CCDC88C: variants seen among roughly 807,000 people sequenced by gnomAD.
The protein encoded by CCDC88C is coiled-coil and HOOK domain protein 88C, also known as protein Daple.
A neutral mutation model predicts 198.8 loss-of-function variants in CCDC88C; 131 were observed. That is an observed-to-expected ratio of 0.66 (90% confidence interval 0.57 to 0.76). The LOEUF (loss-of-function observed/expected upper bound fraction) is 0.76. Ranked by LOEUF, CCDC88C falls within the 30% of genes least tolerant of loss-of-function variation. CCDC88C has a pLI of 0.00. For synonymous variants in CCDC88C, 1,166 were observed against 1,114.7 expected (o/e 1.05, Z -0.92); for missense variants, 2,553 against 2,631.6 (o/e 0.97, Z 0.65).
At chr14:91,283,654 G>GGCTGCCA (rs1890291167) in intron 25 of CCDC88C, 137 bp from the exon 26 acceptor site, 1 of 824,958 alleles carries the variant, frequency 1.2e-6, no homozygotes, top group South Asian at 1.8e-5. Context: ...CAGCTCTCGG[G>GGCTGCCA]CTGCAACTTA....
rs746988366 is a variant in CCDC88C at position 91,300,005 on chromosome 14, C to T, written c.3701G>A (p.Arg1234Gln). 6 of 1,600,842 alleles carry T rather than the reference C, an allele frequency of 3.7e-6. No homozygotes were observed. The highest frequency in any genetic ancestry group is 1.1e-5 in the South Asian group (1 of 88,636). The change falls in exon 21 of 30, where the codon CGA becomes CAA. Residue 1234 changes from arginine to glutamine, a missense_variant. Arg to Gln is a conservative substitution (Grantham distance 43). This residue lies in a region of CCDC88C where 1,293 missense variants were observed against 1,219.6 expected (regional missense o/e 1.06). Transcript: ENST00000389857. ...EEREKVLTTEREALQQEQRTN... is the reference protein window; with the variant it reads ...EEREKVLTTEQEALQQEQRTN... ...CCTCTGCTCCTGCTGCAGCGCCTCTCGCTCAGTGGTCAAGACCTTCTCCCG... is the reference window on the plus strand; with the variant it reads ...CCTCTGCTCCTGCTGCAGCGCCTCTTGCTCAGTGGTCAAGACCTTCTCCCG...
At chr14:91,297,076 T>G (rs1891038543) in intron 22 of CCDC88C, among the ~76,000 whole-genome samples, 3 of 152,196 alleles carry the variant, frequency 2.0e-5, no homozygotes, top group Admixed American at 2.0e-4. Flanking sequence ...CTCCCGACCC[T>G]GCAAAAGGTG....
intron 21 of CCDC88C, 84 bp downstream of exon 21, chr14:91,299,843 G>C: frequency 7.0e-7 from 1 of 1,424,890 alleles, no homozygotes; most frequent in Non-Finnish European, 9.2e-7. Flanking sequence ...CAGGGGACTT[G>C]AACTTCTCAG....
At chr14:91,374,038 T>C (rs986289353) in intron 3 of CCDC88C, among the ~76,000 whole-genome samples, 3 of 152,280 alleles carry the variant, frequency 2.0e-5, no homozygotes, top group South Asian at 4.1e-4. Context: ...TGCTGGAACA[T>C]GCTCACCTCT....
chr14:91,310,435 C>T (rs1050677327), intron 15 of CCDC88C, among the ~76,000 whole-genome samples: 3 of 152,108 alleles, frequency 2.0e-5, no homozygotes, highest in Admixed American at 6.5e-5. Flanking sequence ...TTTTTAGAGA[C>T]AGCGTCTTGC....
chr14:91,396,952 GCCGTGATCGCA>G (rs1031399986), intron 3 of CCDC88C, among the ~76,000 whole-genome samples: 2 of 151,990 alleles, frequency 1.3e-5, no homozygotes, highest in African/African-American at 4.8e-5. Context: ...GCTGCAGTAA[GCCGTGATCGCA>G]CCACTGCACT....
chr14:91,347,814 C>A (rs1421168146), intron 4 of CCDC88C, among the ~76,000 whole-genome samples: 1 of 152,152 alleles, frequency 6.6e-6, no homozygotes, highest in African/African-American at 2.4e-5. Context: ...TACCATTTGA[C>A]CCAGCCATCC....
intron 2 of CCDC88C, among the ~76,000 whole-genome samples, chr14:91,414,942 C>A (rs1032077673): frequency 6.6e-6 from 1 of 152,204 alleles, no homozygotes; most frequent in Non-Finnish European, 1.5e-5. Flanking sequence ...CTCAAAGGAA[C>A]GGTCCAACAG....
intron 2 of CCDC88C, among the ~76,000 whole-genome samples, chr14:91,410,525 G>T (rs548500911): frequency 2.0e-5 from 3 of 152,146 alleles, no homozygotes; most frequent in South Asian, 2.1e-4. Context: ...TCATTTACAT[G>T]TTACATGTTT....
intron 10 of CCDC88C, among the ~76,000 whole-genome samples, chr14:91,327,142 C>T (rs967292569): frequency 6.6e-6 from 1 of 152,224 alleles, no homozygotes; most frequent in South Asian, 2.1e-4. Context: ...CAGCACACGC[C>T]AGGAACGTGT....
chr14:91,339,919 G>A lies in CCDC88C; in HGVS notation c.589C>T (p.Arg197Trp), dbSNP rs778210068. Residue 197 changes from arginine to tryptophan, a missense_variant, in exon 7 of 30, where the codon CGG (arginine) becomes TGG (tryptophan). Physicochemically the swap from Arg to Trp is moderately radical, Grantham distance 101. This residue lies in a region of CCDC88C where 1,260 missense variants were observed against 1,412.0 expected (regional missense o/e 0.89). Coordinates refer to ENST00000389857, the MANE Select transcript of CCDC88C (RefSeq NM_001080414.4). This position sits in a 1 kb window ranked among gnomAD's most constrained non-coding sequence, Gnocchi z 5.8. ...ALSRSMVLHLRRLIDQRDECT... is the reference protein window; with the variant it reads ...ALSRSMVLHLWRLIDQRDECT... The stretch of plus-strand genomic sequence containing the variant: ...TCGTCCCGCTGGTCGATGAGCCTCC[G>A]CAGGTGGAGCACCATGCTCCTCGAC... 1.3e-5 allele frequency: 21 copies of A among 1,593,482 alleles called. No homozygotes were observed. The highest frequency in any genetic ancestry group is 9.2e-5 in the East Asian group (4 of 43,522).
Position 91,283,361 on chromosome 14 carries a change from G to T in CCDC88C, c.4598C>A (p.Thr1533Asn). 6.2e-7 allele frequency: 1 copy of T among 1,613,830 alleles called. No individual in the cohort carries two copies. The highest frequency in any genetic ancestry group is 8.5e-7 in the Non-Finnish European group (1 of 1,179,878). The change falls in exon 26 of 30, where the codon ACC becomes AAC. Residue 1533 changes from threonine to asparagine, a missense_variant. Physicochemically the swap from Thr to Asn is moderately conservative, Grantham distance 65. This residue lies in a region of CCDC88C where 1,293 missense variants were observed against 1,219.6 expected (regional missense o/e 1.06). Transcript: ENST00000389857. Reference protein sequence around the residue: ...SATTTAPSNSTPIARHPGRTK... With the variant: ...SATTTAPSNSNPIARHPGRTK... ...GCGGCCTGGGTGCCGGGCGATGGGGGTGGAGTTGGAAGGGGCTGTAGTGGT... is the reference window on the plus strand; with the variant it reads ...GCGGCCTGGGTGCCGGGCGATGGGGTTGGAGTTGGAAGGGGCTGTAGTGGT...
At chr14:91,279,121 A>C (rs1376191128) in intron 28 of CCDC88C, 117 bp downstream of exon 28, 2 of 800,774 alleles carry the variant, frequency 2.5e-6, no homozygotes, top group African/African-American at 3.5e-5. Flanking sequence ...GCTGGTTTCT[A>C]ACTCCTGGGC....
In CCDC88C at chr14:91,339,184, T is replaced by C; in HGVS notation, c.809+94A>G. On this transcript the variant is annotated intron_variant, in intron 8 of 29. Transcript: ENST00000389857. This position sits in a 1 kb window ranked among gnomAD's most constrained non-coding sequence, Gnocchi z 5.8. ...CTGACTCCGGGGCACACGTCAGAGCTGTGCCATTGGCAGCACCACACATGT... is the reference window on the plus strand; with the variant it reads ...CTGACTCCGGGGCACACGTCAGAGCCGTGCCATTGGCAGCACCACACATGT... 1 of 1,447,536 alleles carries C rather than the reference T, an allele frequency of 6.9e-7. No homozygotes were observed. Among genetic ancestry groups the C allele is most frequent in the Non-Finnish European group, 9.5e-7 (1 of 1,049,322 alleles). 89.7% of individuals were successfully genotyped at this position (1,447,536 alleles called of 1,614,324 possible).
At chr14:91,281,282 G>A (rs1890185876) in intron 27 of CCDC88C, 175 bp downstream of exon 27, 2 of 1,495,716 alleles carry the variant, frequency 1.3e-6, no homozygotes, top group African/African-American at 1.4e-5. Context: ...CTGGAGGTAT[G>A]TAAGTAGAAG....
intron 10 of CCDC88C, among the ~76,000 whole-genome samples, chr14:91,331,378 C>T (rs534452189): frequency 9.9e-4 from 151 of 152,182 alleles, no homozygotes; most frequent in Non-Finnish European, 1.9e-3. Flanking sequence ...GGAGATGTTG[C>T]CTGGGGCCAG....
In CCDC88C at chr14:91,303,536, T is replaced by TC. The variant is rs145765951; in HGVS notation, c.3635+164dup. 0.018 allele frequency among the ~76,000 whole-genome samples: 1,525 copies of TC among 83,276 alleles called. 47 individuals carry two copies. Among genetic ancestry groups the TC allele is most frequent in the African/African-American group, 0.067 (1,423 of 21,164 alleles). 54.6% of individuals were successfully genotyped at this position (83,276 alleles called of 152,430 possible). On this transcript the variant is annotated intron_variant, in intron 20 of 29. Transcript: ENST00000389857. ...ACCCCTCCTCCAGGCTCTATCACTC[T>TC]CCCCCAGGTCCCACCCATCTCCTCC...
intron 13 of CCDC88C, among the ~76,000 whole-genome samples, chr14:91,319,577 A>G (rs2139817559): frequency 6.6e-6 from 1 of 152,298 alleles, no homozygotes; most frequent in Non-Finnish European, 1.5e-5. Flanking sequence ...CAACAACTCA[A>G]CGTCTGGTAT....
intron 29 of CCDC88C, among the ~76,000 whole-genome samples, chr14:91,274,259 G>C (rs952687504): frequency 6.6e-6 from 1 of 152,202 alleles, no homozygotes; most frequent in Non-Finnish European, 1.5e-5. Context: ...GGGTCCAGAA[G>C]GGGGAATGGT....
Sources: gnomAD v4.1 joint callset for allele counts (sites outside exome capture counted in the v4.1 genomes callset) on GRCh38, gnomAD v4.1.1 for gene constraint, gnomAD v4.1.1 regional missense constraint, Gnocchi (gnomAD v3.1) non-coding constraint, MANE v1.5 for transcripts, NCBI Gene and HGNC (gene_info 2026-07-23, HGNC 2026-07-21) for gene names.